Variants in SLC24A2 observed in about 807,000 individuals in gnomAD.
SLC24A2 encodes solute carrier family 24 member 2.
In SLC24A2, 36 loss-of-function variants were observed where a neutral mutation model predicts 62.0. The observed-to-expected ratio is 0.58, with a 90% CI of 0.44 to 0.77. The LOEUF (loss-of-function observed/expected upper bound fraction) is 0.77. Ranked by LOEUF, SLC24A2 falls within the 30% of genes least tolerant of loss-of-function variation. The pLI is 0.00. For synonymous variants in SLC24A2, 358 were observed against 294.0 expected (o/e 1.22, Z -2.23); for missense variants, 846 against 817.9 (o/e 1.03, Z -0.42).
chr9:20,057,247 G>A, the SLC24A2 span, among the ~76,000 whole-genome samples: 1 of 152,204 alleles, frequency 6.6e-6, no homozygotes, highest in African/African-American at 2.4e-5. Flanking sequence ...ATTTGAGCGT[G>A]TGATGCTCAT....
At chr9:20,043,179 G>C in the SLC24A2 span, among the ~76,000 whole-genome samples, 1 of 152,184 alleles carries the variant, frequency 6.6e-6, no homozygotes, top group Non-Finnish European at 1.5e-5. Context: ...TCTTGCACCA[G>C]TTAGCAAAGG....
At chr9:20,001,008 C>T in the SLC24A2 span, among the ~76,000 whole-genome samples, 2 of 152,178 alleles carry the variant, frequency 1.3e-5, no homozygotes, top group Admixed American at 6.5e-5. Context: ...GCAAAGATCA[C>T]GTTTTGAGGC....
the SLC24A2 span, among the ~76,000 whole-genome samples, chr9:20,101,522 GAA>G: frequency 1.3e-5 from 2 of 152,146 alleles, no homozygotes; most frequent in Non-Finnish European, 2.9e-5. Flanking sequence ...TGTTCTTGTA[GAA>G]TAGTATGAGA....
At chr9:20,099,020 G>A in the SLC24A2 span, among the ~76,000 whole-genome samples, 1 of 152,132 alleles carries the variant, frequency 6.6e-6, no homozygotes, top group Non-Finnish European at 1.5e-5. Flanking sequence ...TTATGCAGAT[G>A]GTAATGTATT....
intron 8 of SLC24A2, among the ~76,000 whole-genome samples, chr9:19,546,738 A>G (rs1834596063): frequency 1.3e-5 from 2 of 149,568 alleles, no homozygotes; most frequent in African/African-American, 5.1e-5. Flanking sequence ...GGTATGGGAA[A>G]AAAAAAAACA....
At chr9:19,705,817 T>G (rs1010281118) in intron 2 of SLC24A2, among the ~76,000 whole-genome samples, 16 of 152,208 alleles carry the variant, frequency 1.1e-4, no homozygotes, top group Non-Finnish European at 1.8e-4. Context: ...ATAATTTCTG[T>G]TCTTTTACAT....
At chr9:19,972,966 G>C in the SLC24A2 span, among the ~76,000 whole-genome samples, 10 of 151,726 alleles carry the variant, frequency 6.6e-5, no homozygotes, top group East Asian at 1.9e-4. Flanking sequence ...TCATCTTTTG[G>C]GGGGTGGGAA....
chr9:19,668,757 A>G (rs1819328955), intron 2 of SLC24A2, among the ~76,000 whole-genome samples: 1 of 152,176 alleles, frequency 6.6e-6, no homozygotes. Flanking sequence ...CTTCTCTTTC[A>G]TGGCCTCCAC....
At chr9:19,944,441 TAAAAAA>T in the SLC24A2 span, among the ~76,000 whole-genome samples, 3 of 78,524 alleles carry the variant, frequency 3.8e-5, no homozygotes, top group Non-Finnish European at 5.7e-5. Context: ...AAAGTAGTAG[TAAAAAA>T]AAAAAAAAAA....
At chr9:20,198,745 C>T in the SLC24A2 span, among the ~76,000 whole-genome samples, 4 of 151,520 alleles carry the variant, frequency 2.6e-5, no homozygotes, top group South Asian at 8.4e-4. Context: ...TACCTAGATA[C>T]TTAGTAGCCT....
chr9:19,652,925 TTCTCTTCCATCCTGTTTCAACC>T (rs1818841953), intron 2 of SLC24A2, among the ~76,000 whole-genome samples: 1 of 15,454 alleles, frequency 6.5e-5, no homozygotes, highest in Non-Finnish European at 1.3e-4. Context: ...GAGACAAACC[TTCTCTTCCATCCTGTTTCAACC>T]TTCTCTTCCA....
At chr9:19,960,533 A>C in the SLC24A2 span, among the ~76,000 whole-genome samples, 2 of 152,196 alleles carry the variant, frequency 1.3e-5, no homozygotes, top group Non-Finnish European at 2.9e-5. Context: ...TAAAGCAAAT[A>C]ATAATTTCTT....
At chr9:20,250,237 G>A in the SLC24A2 span, among the ~76,000 whole-genome samples, 1 of 152,216 alleles carries the variant, frequency 6.6e-6, no homozygotes. Flanking sequence ...TCCTGCTCAT[G>A]CTAGGCTATG....
the SLC24A2 span, among the ~76,000 whole-genome samples, chr9:19,954,665 T>C: frequency 2.0e-5 from 3 of 152,088 alleles, no homozygotes; most frequent in Non-Finnish European, 4.4e-5. Context: ...TCCCTCAAGA[T>C]TGCAACCCCT....
At chr9:20,184,025 G>T in the SLC24A2 span, among the ~76,000 whole-genome samples, 1 of 152,100 alleles carries the variant, frequency 6.6e-6, no homozygotes, top group African/African-American at 2.4e-5. Context: ...CATCTGATAA[G>T]GGGTTAATAC....
chr9:19,823,297 T>TTGTGTG, the SLC24A2 span, among the ~76,000 whole-genome samples: 3 of 150,142 alleles, frequency 2.0e-5, no homozygotes, highest in African/African-American at 4.9e-5. Context: ...TGTATTAACA[T>TTGTGTG]TGTGTGTGTG....
At chr9:19,642,693 T>TAACATATC (rs1818534214) in intron 2 of SLC24A2, among the ~76,000 whole-genome samples, 3 of 141,834 alleles carry the variant, frequency 2.1e-5, no homozygotes, top group African/African-American at 8.0e-5. Context: ...TTTTTTTTTT[T>TAACATATC]TTTTTGAGAC....
chr9:19,961,308 G>A, the SLC24A2 span, among the ~76,000 whole-genome samples: 1 of 152,136 alleles, frequency 6.6e-6, no homozygotes, highest in Non-Finnish European at 1.5e-5. Context: ...CTTGGCTGCA[G>A]CAAAGGAAAA....
chr9:20,275,806 A>G, the SLC24A2 span, among the ~76,000 whole-genome samples: 4 of 152,188 alleles, frequency 2.6e-5, no homozygotes, highest in African/African-American at 9.7e-5. Flanking sequence ...ATCATGGTGG[A>G]AAGTGAAGGA....
Sources: allele counts gnomAD v4.1 joint callset (sites outside exome capture counted in the v4.1 genomes callset), GRCh38; gene constraint gnomAD v4.1.1; transcripts MANE v1.5; gene names NCBI Gene and HGNC (gene_info 2026-07-23, HGNC 2026-07-21).